Variants in AK8 observed in about 807,000 individuals in gnomAD.
The protein encoded by AK8 is ATP-AMP transphosphorylase 8.
AK8 carries 44 observed loss-of-function variants against 54.6 expected under a neutral mutation model. The ratio of observed to expected loss-of-function variants is 0.81; its 90% CI spans 0.63 to 1.04. AK8 has a LOEUF of 1.04. Among genes scored for constraint, AK8 ranks in the 50% least tolerant of loss-of-function variants. The probability of loss-of-function intolerance (pLI) is 0.00; values close to 1 mark genes in which losing one functional copy is unlikely to be tolerated. For synonymous variants in AK8, 239 were observed against 245.6 expected, an observed-to-expected ratio of 0.97 and a Z score of 0.25; for missense variants, 555 against 613.6, an observed-to-expected ratio of 0.90 and a Z score of 1.01.
At chr9:132,857,592 A>C (rs1843224708) in intron 4 of AK8, among the ~76,000 whole-genome samples, 1 of 151,152 alleles carries the variant, frequency 6.6e-6, no homozygotes, top group African/African-American at 2.4e-5. Context: ...GACCCCAGGC[A>C]CAGCCAATTT....
intron 5 of AK8, among the ~76,000 whole-genome samples, chr9:132,850,778 C>A (rs1187823242): frequency 6.6e-6 from 1 of 152,176 alleles, no homozygotes. Flanking sequence ...AAGCAATCCT[C>A]CTGCCTTGGC....
In AK8 at chr9:132,803,010, G is replaced by A. The variant is rs1048100234; in HGVS notation, c.980-10235C>T. 3.9e-5 allele frequency among the ~76,000 whole-genome samples: 6 copies of A among 152,190 alleles called. No individual in the cohort carries two copies. The highest frequency in any genetic ancestry group is 3.9e-4 in the Admixed American group (6 of 15,274). ...GTTCTGCAAGGCTGGGGAGGCCTTG[G>A]GAAACTTACAATCATGGCAGAAGGG... On this transcript the variant is annotated intron_variant, in intron 10 of 12. Coordinates refer to ENST00000298545, the MANE Select transcript of AK8 (RefSeq NM_152572.3). The surrounding 1 kb of genome is among the most constrained non-coding windows in gnomAD (Gnocchi z 4.4).
At chr9:132,844,838 A>G (rs891836662) in intron 5 of AK8, among the ~76,000 whole-genome samples, 1 of 152,240 alleles carries the variant, frequency 6.6e-6, no homozygotes, top group African/African-American at 2.4e-5. Context: ...GGCCTAAGGA[A>G]GTGAAGCTCT....
intron 5 of AK8, among the ~76,000 whole-genome samples, chr9:132,844,722 A>G (rs1842682329): frequency 6.6e-6 from 1 of 152,186 alleles, no homozygotes; most frequent in Admixed American, 6.5e-5. Context: ...CGTGGACATG[A>G]TCAGAATCAC....
At chr9:132,824,044 T>C (rs1230986502) in intron 8 of AK8, among the ~76,000 whole-genome samples, 3 of 152,018 alleles carry the variant, frequency 2.0e-5, no homozygotes, top group Admixed American at 6.6e-5. Flanking sequence ...GGAGATGGGG[T>C]GAGTGTCTCC....
chr9:132,835,885 A>G (rs538637695), intron 5 of AK8, among the ~76,000 whole-genome samples: 1 of 152,296 alleles, frequency 6.6e-6, no homozygotes, highest in South Asian at 2.1e-4. Flanking sequence ...GCACTTTGGG[A>G]GGCCGAGGTG....
chr9:132,860,904 T>C lies in AK8; in HGVS notation c.333+2761A>G, dbSNP rs190227596. On this transcript the variant is annotated intron_variant, in intron 4 of 12. Transcript: ENST00000298545. This position sits in a 1 kb window ranked among gnomAD's most constrained non-coding sequence, Gnocchi z 4.4. ...GTCCACACTGAATATTCAATCTCAG[T>C]AGATCTGGACTAAAACACCCATGGG... 3.7e-4 allele frequency among the ~76,000 whole-genome samples: 57 copies of C among 152,314 alleles called. No individual in the cohort carries two copies. The East Asian group carries it at 0.01, about 27-fold the overall frequency.
intron 11 of AK8, among the ~76,000 whole-genome samples, chr9:132,750,232 C>A (rs993316651): frequency 1.3e-5 from 2 of 151,982 alleles, no homozygotes; most frequent in East Asian, 1.9e-4. Context: ...GATTCTCCTG[C>A]CTCAGCCTCC....
intron 11 of AK8, among the ~76,000 whole-genome samples, chr9:132,756,654 G>A (rs1838203632): frequency 6.6e-6 from 1 of 152,146 alleles, no homozygotes; most frequent in Non-Finnish European, 1.5e-5. Flanking sequence ...ACCTGATTCT[G>A]AGCAAGCAAG....
chr9:132,840,285 A>C (rs1842484489), intron 5 of AK8, among the ~76,000 whole-genome samples: 2 of 152,082 alleles, frequency 1.3e-5, no homozygotes, highest in South Asian at 4.1e-4. Flanking sequence ...GCCCAGCTCC[A>C]TCTCCAAAGG....
intron 8 of AK8, among the ~76,000 whole-genome samples, chr9:132,823,749 G>T (rs992659759): frequency 1.3e-5 from 2 of 152,234 alleles, no homozygotes; most frequent in African/African-American, 4.8e-5. Context: ...GGAAGCCCCG[G>T]AACTAGGCTG....
chr9:132,854,294 T>C (rs566128965), intron 5 of AK8, among the ~76,000 whole-genome samples: 2 of 152,290 alleles, frequency 1.3e-5, no homozygotes, highest in South Asian at 2.1e-4. Context: ...TGAGGACACA[T>C]GAATCGGTGT....
At chr9:132,854,733 G>T in intron 5 of AK8, 124 bp downstream of exon 5, 1 of 998,296 alleles carries the variant, frequency 1.0e-6, no homozygotes, top group Non-Finnish European at 1.6e-6. Context: ...CCTTCACGGA[G>T]TTCCCGTTTG....
rs538103970 is a variant in AK8 at position 132,864,397 on chromosome 9, C to G, written c.220-619G>C. On this transcript the variant is annotated intron_variant, in intron 3 of 12. Coordinates refer to ENST00000298545, the MANE Select transcript of AK8 (RefSeq NM_152572.3). The stretch of plus-strand genomic sequence containing the variant: ...CGTTCTTCCTGTTCCTTCATTCATC[C>G]CCTGCCAACCAGGAGTCTTCATGGC... Among the ~76,000 whole-genome samples the G allele has an allele frequency of 2.9e-3, 443 of 152,308 alleles. 2 individuals are homozygous for G. The highest frequency in any genetic ancestry group is 5.4e-3 in the Non-Finnish European group (370 of 68,032).
intron 12 of AK8, among the ~76,000 whole-genome samples, chr9:132,726,479 G>A (rs1289143115): frequency 6.6e-6 from 1 of 152,162 alleles, no homozygotes; most frequent in Non-Finnish European, 1.5e-5. Flanking sequence ...TGTTGGCCAA[G>A]CTGGTCTCAA....
chr9:132,776,699 C>T (rs544108907), intron 11 of AK8, among the ~76,000 whole-genome samples: 65 of 152,294 alleles, frequency 4.3e-4, no homozygotes, highest in African/African-American at 1.5e-3. Flanking sequence ...GAGTGTGCCT[C>T]GATCCCAAAA....
At chr9:132,745,681 G>A (rs975971506) in intron 11 of AK8, among the ~76,000 whole-genome samples, 7 of 152,210 alleles carry the variant, frequency 4.6e-5, no homozygotes, top group African/African-American at 1.7e-4. Context: ...GAGGTCCACA[G>A]CCCCCTGTAT....
chr9:132,773,840 G>C (rs750483597), intron 11 of AK8, among the ~76,000 whole-genome samples: 9 of 152,214 alleles, frequency 5.9e-5, no homozygotes, highest in Non-Finnish European at 8.8e-5. Flanking sequence ...TCCTGGAGCA[G>C]GTGGCATTTG....
intron 11 of AK8, among the ~76,000 whole-genome samples, chr9:132,782,224 G>T (rs1839506181): frequency 6.6e-6 from 1 of 151,954 alleles, no homozygotes; most frequent in African/African-American, 2.4e-5. Context: ...CTGTAGTACT[G>T]GTGCTTGGGC....
Sources: gnomAD v4.1 joint callset for allele counts (sites outside exome capture counted in the v4.1 genomes callset) on GRCh38, gnomAD v4.1.1 for gene constraint, Gnocchi (gnomAD v3.1) non-coding constraint, MANE v1.5 for transcripts, NCBI Gene and HGNC (gene_info 2026-07-23, HGNC 2026-07-21) for gene names.